Variants in SERPINE3 observed in about 807,000 individuals in gnomAD.
SERPINE3 encodes the protein serpin family E member 3, also known as serpin E3.
In SERPINE3, 43 loss-of-function variants were observed where a neutral mutation model predicts 41.7. That is an observed-to-expected ratio of 1.03 (90% CI 0.81 to 1.33). The LOEUF (loss-of-function observed/expected upper bound fraction) is 1.33. Ranked by LOEUF, SERPINE3 falls within the 40% of genes most tolerant of loss-of-function variation. The pLI, the probability that SERPINE3 is intolerant of heterozygous loss-of-function variation, is 0.00. For missense variants in SERPINE3, 440 were observed against 491.7 expected (o/e 0.89, Z 0.99); for synonymous variants, 200 against 192.2 (o/e 1.04, Z -0.34).
rs144827464 is a variant in SERPINE3, at chr13:51,343,548, G to A, written c.257-704G>A. 4.0e-3 allele frequency among the ~76,000 whole-genome samples: 603 copies of A among 152,348 alleles called. 2 individuals carry two copies. The highest frequency in any genetic ancestry group is 6.9e-3 in the Non-Finnish European group (467 of 68,040). On this transcript the variant is annotated intron_variant, in intron 3 of 9. Transcript: ENST00000681248. ...AGTCCAGCTGCCATCCACGAAGGTG[G>A]AAGCTATCGACTCCCTCAAATGCTT... is the stretch of plus-strand genomic sequence containing the variant.
At chr13:51,351,971 A>G (rs559756394) in intron 6 of SERPINE3, among the ~76,000 whole-genome samples, 9 of 152,184 alleles carry the variant, frequency 5.9e-5, no homozygotes, top group African/African-American at 2.2e-4. Flanking sequence ...TTATTTCTGG[A>G]CTTTCAATTC....
chr13:51,348,534 T>G (rs568047524), intron 6 of SERPINE3, 123 bp downstream of exon 6: 1 of 727,350 alleles, frequency 1.4e-6, no homozygotes, highest in Admixed American at 2.7e-5. Context: ...GTTTAATATG[T>G]ATCCCCAGAA....
At chr13:51,358,148 G>A (rs1275624666) in intron 7 of SERPINE3, among the ~76,000 whole-genome samples, 1 of 151,970 alleles carries the variant, frequency 6.6e-6, no homozygotes, top group Non-Finnish European at 1.5e-5. Context: ...TCCTGGGCCG[G>A]GTGCTATGTG....
chr13:51,345,538 T>C (rs545276275), intron 4 of SERPINE3, among the ~76,000 whole-genome samples: 1 of 134,900 alleles, frequency 7.4e-6, no homozygotes, highest in Non-Finnish European at 1.5e-5. Flanking sequence ...GAGGTTGCAG[T>C]GAGCTGAGAC....
chr13:51,347,725 C>T (rs572067367), intron 5 of SERPINE3, among the ~76,000 whole-genome samples: 5 of 152,300 alleles, frequency 3.3e-5, no homozygotes, highest in South Asian at 2.1e-4. Flanking sequence ...AATTTCCTGA[C>T]GTCCTTCTCT....
chr13:51,359,468 A>C (rs867839647), intron 7 of SERPINE3, among the ~76,000 whole-genome samples: 1 of 152,110 alleles, frequency 6.6e-6, no homozygotes, highest in Non-Finnish European at 1.5e-5. Flanking sequence ...ATAAATGTCA[A>C]TTATTGGACC....
intron 7 of SERPINE3, 95 bp from the exon 8 acceptor site, chr13:51,361,183 A>G (rs1435875681): frequency 2.4e-6 from 2 of 828,188 alleles, no homozygotes; most frequent in African/African-American, 3.4e-5. Flanking sequence ...ATTGGATACT[A>G]TAAATTTTGT....
intron 6 of SERPINE3, 26 bp from the exon 7 acceptor site, chr13:51,355,017 G>C (rs1318439941): frequency 5.9e-6 from 7 of 1,187,208 alleles, no homozygotes; most frequent in Admixed American, 4.0e-5. Context: ...AATTTTGAAA[G>C]TTGATGGTTT....
chr13:51,345,074 T>C (rs1955332237), intron 4 of SERPINE3, among the ~76,000 whole-genome samples: 1 of 152,246 alleles, frequency 6.6e-6, no homozygotes, highest in African/African-American at 2.4e-5. Flanking sequence ...ATTAAAATCA[T>C]GAACGTTTAC....
Position 51,348,219 on chromosome 13 carries a change from T to C in SERPINE3, c.707T>C (p.Phe236Ser). 6.3e-7 allele frequency: 1 copy of C among 1,586,594 alleles called. No individual in the cohort carries two copies. ...HQTTEVNYGQFQDTAGHQVGV... is the reference protein window; with the variant it reads ...HQTTEVNYGQSQDTAGHQVGV... ...TGATCCACTGTACCCTCAGGTCAGTTCCAGGACACTGCAGGCCATCAGGTG... is the reference window on the plus strand; with the variant it reads ...TGATCCACTGTACCCTCAGGTCAGTCCCAGGACACTGCAGGCCATCAGGTG... The change falls in exon 6 of 10, where the codon TTC becomes TCC. Residue 236 changes from phenylalanine to serine, a missense_variant. Physicochemically the swap from Phe to Ser is radical, Grantham distance 155 (BLOSUM62 -2). Coordinates refer to ENST00000681248, the MANE Select transcript of SERPINE3 (RefSeq NM_001386375.1).
chr13:51,341,170 A>C lies in SERPINE3; in HGVS notation c.79A>C (p.Thr27Pro). 1 of 1,614,008 alleles carries C rather than the reference A, an allele frequency of 6.2e-7. No individual in the cohort carries two copies. Among genetic ancestry groups the C allele is most frequent in the Non-Finnish European group, 8.5e-7 (1 of 1,179,886 alleles). The change falls in exon 3 of 10, where the codon ACA becomes CCA. Residue 27 changes from threonine to proline, a missense_variant. Thr to Pro is a conservative substitution (Grantham distance 38). Transcript: ENST00000681248. Reference sequence around the variant, plus strand: ...AAATGGCCACCTCCGTGAAGGAATGACATTGCTGAAGACTGAGTTTGCACT... The same window carrying C: ...AAATGGCCACCTCCGTGAAGGAATGCCATTGCTGAAGACTGAGTTTGCACT... ...RANGHLREGM[T>P]LLKTEFALHL... is the part of the protein sequence containing the mutation.
At chr13:51,361,058 A>C (rs1955566199) in intron 7 of SERPINE3, among the ~76,000 whole-genome samples, 1 of 152,094 alleles carries the variant, frequency 6.6e-6, no homozygotes, top group Non-Finnish European at 1.5e-5. Context: ...TATATATAAC[A>C]AATTAAAGTT....
At chr13:51,362,914 G>A (rs1955610036) in intron 9 of SERPINE3, 1 of 152,198 alleles carries the variant, frequency 6.6e-6, no homozygotes, top group Non-Finnish European at 1.5e-5. Flanking sequence ...CATCAACAGA[G>A]TATGTCTTCC....
intron 6 of SERPINE3, among the ~76,000 whole-genome samples, chr13:51,352,942 G>A (rs1955421706): frequency 6.6e-6 from 1 of 152,110 alleles, no homozygotes; most frequent in African/African-American, 2.4e-5. Context: ...TTGCATTCCT[G>A]GGATAAATCC....
intron 7 of SERPINE3, among the ~76,000 whole-genome samples, chr13:51,358,425 C>A (rs1254868334): frequency 6.6e-6 from 1 of 152,128 alleles, no homozygotes; most frequent in Non-Finnish European, 1.5e-5. Context: ...CAGCCATACA[C>A]AAAGAATAAC....
intron 6 of SERPINE3, among the ~76,000 whole-genome samples, chr13:51,352,607 G>A (rs186770694): frequency 8.6e-5 from 13 of 151,672 alleles, no homozygotes; most frequent in Admixed American, 2.6e-4. Context: ...TGTCCTACTC[G>A]CCCTCCAGTA....
intron 7 of SERPINE3, among the ~76,000 whole-genome samples, chr13:51,357,055 A>G (rs528083053): frequency 6.6e-6 from 1 of 152,298 alleles, no homozygotes; most frequent in East Asian, 1.9e-4. Context: ...ATTCATTCAT[A>G]AATCATCTAT....
At chr13:51,342,186 A>C (rs1411061157) in intron 3 of SERPINE3, among the ~76,000 whole-genome samples, 4 of 150,734 alleles carry the variant, frequency 2.7e-5, no homozygotes, top group Non-Finnish European at 5.9e-5. Flanking sequence ...AACAAAAAAA[A>C]AAAAAAAAAA....
intron 6 of SERPINE3, among the ~76,000 whole-genome samples, chr13:51,351,373 C>T (rs56734999): frequency 0.021 from 3,153 of 152,100 alleles, 126 homozygotes; most frequent in African/African-American, 0.072. Flanking sequence ...TCATTGTGGA[C>T]TTCATTTGCA....
Sources: gnomAD v4.1 joint callset for allele counts (sites outside exome capture counted in the v4.1 genomes callset) on GRCh38, gnomAD v4.1.1 for gene constraint, MANE v1.5 for transcripts, NCBI Gene and HGNC (gene_info 2026-07-23, HGNC 2026-07-21) for gene names.